CCSER1: variants seen among roughly 807,000 people sequenced by gnomAD.
The protein encoded by CCSER1 is coiled-coil serine rich protein 1, also known as serine-rich coiled-coil domain-containing protein 1.
In CCSER1, 41 loss-of-function variants were observed where a neutral mutation model predicts 82.0. That is an observed-to-expected ratio of 0.50 (90% confidence interval 0.39 to 0.65). CCSER1 has a LOEUF of 0.65. Ranked by LOEUF, CCSER1 falls within the 30% of genes least tolerant of loss-of-function variation. The probability of loss-of-function intolerance (pLI) is 0.00; values close to 1 mark genes in which losing one functional copy is unlikely to be tolerated. For synonymous variants in CCSER1, 414 were observed against 383.9 expected (o/e 1.08, Z -0.92); for missense variants, 1,119 against 1,064.2 (o/e 1.05, Z -0.72).
chr4:90,806,724 G>A (rs887961270), intron 7 of CCSER1, among the ~76,000 whole-genome samples: 1 of 152,162 alleles, frequency 6.6e-6, no homozygotes, highest in African/African-American at 2.4e-5. Context: ...CAAGGGAGTA[G>A]TACAAGAGCC....
At chr4:91,235,512 TTTTG>T (rs763007158) in intron 10 of CCSER1, among the ~76,000 whole-genome samples, 3 of 152,198 alleles carry the variant, frequency 2.0e-5, no homozygotes, top group African/African-American at 7.2e-5. Context: ...GTAAATTTTA[TTTTG>T]TTTGTTCTTA....
At chr4:90,411,960 C>G (rs1754916710) in intron 4 of CCSER1, among the ~76,000 whole-genome samples, 2 of 151,962 alleles carry the variant, frequency 1.3e-5, no homozygotes, top group African/African-American at 4.8e-5. Context: ...AAATCACAGG[C>G]ATTCTTATAC....
At chr4:91,377,878 T>A (rs1750552591) in intron 10 of CCSER1, among the ~76,000 whole-genome samples, 1 of 152,222 alleles carries the variant, frequency 6.6e-6, no homozygotes, top group Non-Finnish European at 1.5e-5. Flanking sequence ...TTTTTATGGT[T>A]TTAGGTCTAA....
Position 90,500,093 on chromosome 4 carries a change from A to G in CCSER1, c.1724+31739A>G, listed in dbSNP as rs531314076. Among the ~76,000 whole-genome samples, 39 of 152,234 alleles carry G rather than the reference A, an allele frequency of 2.6e-4. No individual in the cohort carries two copies. In the East Asian group the frequency reaches 3.9e-3, roughly 15 times the overall value. ...TGGCTTTCTTCAGAGTTTGTAATCA[A>G]TAAAGACCCTGGCGTTTGAAGGGCA... On this transcript the variant is annotated intron_variant, in intron 5 of 10. Transcript: ENST00000509176.
chr4:90,957,062 A>G (rs1466551634), intron 9 of CCSER1, among the ~76,000 whole-genome samples: 10 of 144,524 alleles, frequency 6.9e-5, no homozygotes. Context: ...ACAGGCATGA[A>G]TCAGCAGCAG....
chr4:90,782,607 G>A (rs1166311429), intron 7 of CCSER1, among the ~76,000 whole-genome samples: 1 of 151,958 alleles, frequency 6.6e-6, no homozygotes, highest in Admixed American at 6.6e-5. Flanking sequence ...TGAAAAAGGG[G>A]ATTGTTTGTC....
chr4:91,143,502 C>A (rs1013510397), intron 10 of CCSER1, among the ~76,000 whole-genome samples: 29 of 152,010 alleles, frequency 1.9e-4, no homozygotes, highest in Non-Finnish European at 1.5e-4. Flanking sequence ...CTAATTAGGA[C>A]TTCCAGTACT....
intron 1 of CCSER1, among the ~76,000 whole-genome samples, chr4:90,257,287 A>T (rs1397367420): frequency 6.6e-6 from 1 of 152,118 alleles, no homozygotes; most frequent in African/African-American, 2.4e-5. Flanking sequence ...ACTATTCATC[A>T]AAAATGAGTG....
chr4:90,872,364 G>T (rs1375730301), intron 8 of CCSER1, among the ~76,000 whole-genome samples: 1 of 151,466 alleles, frequency 6.6e-6, no homozygotes, highest in Non-Finnish European at 1.5e-5. Context: ...TGTATCGATT[G>T]CAGTTTTTTG....
intron 6 of CCSER1, among the ~76,000 whole-genome samples, chr4:90,651,784 C>G (rs1728799402): frequency 1.3e-5 from 2 of 152,150 alleles, no homozygotes; most frequent in African/African-American, 4.8e-5. Context: ...ATGTCTCCTT[C>G]CAAGACAAGT....
intron 5 of CCSER1, among the ~76,000 whole-genome samples, chr4:90,478,441 A>T (rs1765394670): frequency 1.3e-5 from 2 of 152,166 alleles, no homozygotes; most frequent in Admixed American, 6.5e-5. Flanking sequence ...GAAATTTTAC[A>T]TTGTAAGCAT....
intron 1 of CCSER1, among the ~76,000 whole-genome samples, chr4:90,243,221 G>T (rs1340474687): frequency 6.6e-6 from 1 of 151,354 alleles, no homozygotes; most frequent in South Asian, 2.1e-4. Flanking sequence ...ACATCACTAT[G>T]CCAGTCCTGT....
chr4:90,133,134 G>A (rs1395551527), intron 1 of CCSER1, among the ~76,000 whole-genome samples: 4 of 152,176 alleles, frequency 2.6e-5, no homozygotes, highest in Non-Finnish European at 5.9e-5. Flanking sequence ...TGAAGGCTAT[G>A]TCTTTCTTCT....
chr4:90,204,552 A>G (rs1006322936), intron 1 of CCSER1, among the ~76,000 whole-genome samples: 3 of 152,148 alleles, frequency 2.0e-5, no homozygotes, highest in East Asian at 1.9e-4. Flanking sequence ...ATTGGTCTAT[A>G]TATCTGTTTT....
At chr4:90,937,564 C>T (rs1213105084) in intron 9 of CCSER1, among the ~76,000 whole-genome samples, 3 of 151,808 alleles carry the variant, frequency 2.0e-5, no homozygotes, top group African/African-American at 7.3e-5. Context: ...CTCCCCAAGC[C>T]AGCATCCATG....
intron 9 of CCSER1, among the ~76,000 whole-genome samples, chr4:90,960,024 G>A (rs1243081637): frequency 1.3e-5 from 2 of 151,946 alleles, no homozygotes; most frequent in Admixed American, 6.6e-5. Context: ...AAGACAGTTC[G>A]GCAAGAATCG....
intron 6 of CCSER1, among the ~76,000 whole-genome samples, chr4:90,643,701 T>A (rs1012186357): frequency 6.6e-6 from 1 of 152,208 alleles, no homozygotes; most frequent in Non-Finnish European, 1.5e-5. Context: ...GGATTTGCCA[T>A]TAGACAAGCC....
rs145952439 is a variant in CCSER1, at chr4:90,313,129, A to G, written c.1509+82A>G. 1.6e-4 allele frequency: 182 copies of G among 1,128,354 alleles called. 1 individual carries two copies. In the East Asian group the frequency reaches 4.6e-3, roughly 29 times the overall value. The allele number at this position is 1,128,354 out of a possible 1,614,324, so 69.9% of individuals were successfully genotyped here. A position where few individuals can be genotyped will look rare whatever the true frequency, so the allele number is the denominator to read the frequency against. On this transcript the variant is annotated intron_variant, in intron 3 of 10. Transcript: ENST00000509176. ...TTCATGTCTCTTGCAAAATGAACAC[A>G]GACTACAGGATAGACACCTCATATT... is the stretch of plus-strand genomic sequence containing the variant.
At chr4:91,146,373 G>A (rs1168929350) in intron 10 of CCSER1, among the ~76,000 whole-genome samples, 1 of 152,008 alleles carries the variant, frequency 6.6e-6, no homozygotes, top group Admixed American at 6.6e-5. Context: ...ACATTCTCTT[G>A]AATCTTGTTG....
Sources: gnomAD v4.1 joint callset for allele counts (sites outside exome capture counted in the v4.1 genomes callset) on GRCh38, gnomAD v4.1.1 for gene constraint, MANE v1.5 for transcripts, NCBI Gene and HGNC (gene_info 2026-07-23, HGNC 2026-07-21) for gene names.